The following SLC39A9 variants were observed in gnomAD, a reference collection of about 807,000 sequenced individuals.
The protein encoded by SLC39A9 is solute carrier family 39 member 9, also known as zinc transporter ZIP9.
Under a neutral mutation model 28.4 loss-of-function variants are expected in SLC39A9, and 14 were observed. The observed-to-expected ratio is 0.49, with a 90% CI of 0.33 to 0.77. The LOEUF is 0.77. Ranked by LOEUF, SLC39A9 falls within the 30% of genes least tolerant of loss-of-function variation. The pLI, the probability that SLC39A9 is intolerant of heterozygous loss-of-function variation, is 0.02. For missense variants in SLC39A9, 283 were observed against 381.1 expected, an observed-to-expected ratio of 0.74 and a Z score of 2.14; for synonymous variants, 119 against 149.6, an observed-to-expected ratio of 0.80 and a Z score of 1.49.
intron 2 of SLC39A9, among the ~76,000 whole-genome samples, chr14:69,440,495 G>A (rs1884992344): frequency 6.6e-6 from 1 of 152,064 alleles, no homozygotes; most frequent in Non-Finnish European, 1.5e-5. Flanking sequence ...TGAGGTAGGA[G>A]GATGACTTCA....
rs1451732527 is a variant in SLC39A9 at position 69,458,879 on chromosome 14, A to G, written c.*286A>G. 2 of 1,128,494 alleles carry G rather than the reference A, an allele frequency of 1.8e-6. No homozygotes were observed. The highest frequency in any genetic ancestry group is 4.7e-5 in the East Asian group (1 of 21,430). 69.9% of individuals were successfully genotyped at this position (1,128,494 alleles called of 1,614,324 possible). ...TCTCTTAACCCTATTCTCAGGGAAG[A>G]TGGAATTTAGTTTTAAGGAAAAGAG... On this transcript the variant is annotated 3_prime_UTR_variant, in exon 7 of 7. Coordinates refer to ENST00000336643, the MANE Select transcript of SLC39A9 (RefSeq NM_018375.5).
chr14:69,438,546 T>A (rs1594936152), intron 2 of SLC39A9, among the ~76,000 whole-genome samples: 1 of 152,338 alleles, frequency 6.6e-6, no homozygotes. Context: ...CTTCTGTAAT[T>A]ATAGCTCTAA....
chr14:69,453,339 GT>G, intron 4 of SLC39A9, 30 bp downstream of exon 4: 1 of 1,598,552 alleles, frequency 6.3e-7, no homozygotes, highest in South Asian at 1.1e-5. Flanking sequence ...GAACTTCTTT[GT>G]TTTCTATCGC....
chr14:69,441,936 G>C, intron 2 of SLC39A9, 133 bp from the exon 3 acceptor site: 1 of 1,426,734 alleles, frequency 7.0e-7, no homozygotes, highest in Non-Finnish European at 9.1e-7. Context: ...ATGATTGGCT[G>C]GATTACAATA....
intron 2 of SLC39A9, among the ~76,000 whole-genome samples, chr14:69,430,761 G>C (rs1884452181): frequency 6.6e-6 from 1 of 151,658 alleles, no homozygotes; most frequent in Admixed American, 6.6e-5. Context: ...CTCTCCAGCA[G>C]CTAGGACTAC....
intron 3 of SLC39A9, among the ~76,000 whole-genome samples, chr14:69,449,682 A>G (rs887121861): frequency 1.3e-5 from 2 of 152,206 alleles, no homozygotes; most frequent in South Asian, 2.1e-4. Flanking sequence ...TTGTGAACCT[A>G]TAGTTCAGGG....
At chr14:69,399,594 T>A (rs1038788857) in intron 1 of SLC39A9, 129 bp downstream of exon 1, 7 of 666,806 alleles carry the variant, frequency 1.0e-5, no homozygotes, top group African/African-American at 5.5e-5. Flanking sequence ...CTATCTTTTT[T>A]AAAAGATACA....
chr14:69,448,538 T>C (rs185880498), intron 3 of SLC39A9, among the ~76,000 whole-genome samples: 400 of 152,142 alleles, frequency 2.6e-3, no homozygotes, highest in Non-Finnish European at 4.6e-3. Flanking sequence ...AAAGTTTTTA[T>C]TACTAAAAAA....
At position 69,459,033 on chromosome 14, in the gene SLC39A9, A is replaced by ATGTAAGACT. The variant is rs1167380704; in HGVS notation, c.*441_*449dup. ...ATTGATTTTTAACATGGTTCCCACC[A>ATGTAAGACT]TGTAAGACTGGTGCTTTAGCATCTA... On this transcript the variant is annotated 3_prime_UTR_variant, in exon 7 of 7. Coordinates refer to ENST00000336643, the MANE Select transcript of SLC39A9 (RefSeq NM_018375.5). 17 of 990,364 alleles carry ATGTAAGACT rather than the reference A, an allele frequency of 1.7e-5. No homozygotes were observed. The highest frequency in any genetic ancestry group is 2.0e-5 in the Non-Finnish European group (17 of 832,464). The allele number at this position is 990,364 out of a possible 1,614,324, so 61.3% of individuals were successfully genotyped here. A position where few individuals can be genotyped will look rare whatever the true frequency, so the allele number is the denominator to read the frequency against.
At chr14:69,404,566 A>G (rs1882809012) in intron 1 of SLC39A9, among the ~76,000 whole-genome samples, 2 of 152,210 alleles carry the variant, frequency 1.3e-5, no homozygotes, top group African/African-American at 4.8e-5. Context: ...GTTCTAATTT[A>G]TAATTGTTAA....
Position 69,460,608 on chromosome 14 carries a change from G to T in SLC39A9, c.*2015G>T. On this transcript the variant is annotated 3_prime_UTR_variant, in exon 7 of 7. Coordinates refer to ENST00000336643, the MANE Select transcript of SLC39A9 (RefSeq NM_018375.5). ...ATATTGTTGTGTGCAATGGTAATTT[G>T]TTCTACTGGCCAAAGCCTCTTTCAG... The T allele has an allele frequency of 5.1e-6, 5 of 985,420 alleles. No homozygotes were observed. The highest frequency in any genetic ancestry group is 4.8e-6 in the Non-Finnish European group (4 of 829,932). 61.0% of individuals were successfully genotyped at this position (985,420 alleles called of 1,614,324 possible).
At chr14:69,405,435 C>T (rs1882861712) in intron 1 of SLC39A9, among the ~76,000 whole-genome samples, 1 of 151,990 alleles carries the variant, frequency 6.6e-6, no homozygotes, top group Admixed American at 6.6e-5. Context: ...GATTTTATAC[C>T]TGTTTGGAAT....
In SLC39A9 at chr14:69,460,991, A is replaced by G. The variant is rs1886088600; in HGVS notation, c.*2398A>G. 1.0e-6 allele frequency: 1 copy of G among 985,344 alleles called. No individual in the cohort carries two copies. The highest frequency in any genetic ancestry group is 4.7e-5 in the South Asian group (1 of 21,286). 61.0% of individuals were successfully genotyped at this position (985,344 alleles called of 1,614,324 possible). ...CTGGCATGGTGGGCAGTATTCCAGGAGAGGCCATGTCCGTGTTCACTTCTT... is the reference window on the plus strand; with the variant it reads ...CTGGCATGGTGGGCAGTATTCCAGGGGAGGCCATGTCCGTGTTCACTTCTT... On this transcript the variant is annotated 3_prime_UTR_variant, in exon 7 of 7. Transcript: ENST00000336643.
chr14:69,453,971 C>CCAA (rs1186195462), intron 4 of SLC39A9, among the ~76,000 whole-genome samples: 2 of 152,186 alleles, frequency 1.3e-5, no homozygotes, highest in Non-Finnish European at 2.9e-5. Context: ...AGAGCCTTGG[C>CCAA]GCTTCTGTCC....
chr14:69,402,749 T>G (rs1001483867), intron 1 of SLC39A9, among the ~76,000 whole-genome samples: 12 of 152,130 alleles, frequency 7.9e-5, no homozygotes, highest in Non-Finnish European at 1.5e-4. Context: ...GGATGTAAAT[T>G]TTTTCAGTAT....
intron 3 of SLC39A9, among the ~76,000 whole-genome samples, chr14:69,449,715 A>C (rs1380160882): frequency 6.6e-6 from 1 of 152,168 alleles, no homozygotes; most frequent in African/African-American, 2.4e-5. Context: ...CTCCTACCTG[A>C]CCTTATTCAT....
chr14:69,419,269 A>G (rs796886892), intron 1 of SLC39A9, among the ~76,000 whole-genome samples: 19 of 152,338 alleles, frequency 1.2e-4, no homozygotes, highest in African/African-American at 3.8e-4. Flanking sequence ...CCCAGTAGTC[A>G]TTCAGGAGCA....
intron 3 of SLC39A9, among the ~76,000 whole-genome samples, chr14:69,448,004 G>C (rs1367729726): frequency 1.3e-5 from 2 of 151,482 alleles, no homozygotes; most frequent in African/African-American, 4.8e-5. Context: ...CACAAGGCCA[G>C]GAGATCGAGA....
At chr14:69,458,168 C>T (rs143268406) in intron 6 of SLC39A9, among the ~76,000 whole-genome samples, 195 bp from the exon 7 acceptor site, 13 of 152,218 alleles carry the variant, frequency 8.5e-5, no homozygotes, top group South Asian at 8.3e-4. Context: ...AAATCAATTG[C>T]GTACATCACT....
Sources: allele counts gnomAD v4.1 joint callset (sites outside exome capture counted in the v4.1 genomes callset), GRCh38; gene constraint gnomAD v4.1.1; transcripts MANE v1.5; gene names NCBI Gene and HGNC (gene_info 2026-07-23, HGNC 2026-07-21).